Variants in CBLB observed in about 807,000 individuals in gnomAD.
CBLB encodes Cbl proto-oncogene B, also known as E3 ubiquitin-protein ligase CBL-B.
CBLB carries 31 observed loss-of-function variants against 104.9 expected under a neutral mutation model. The observed-to-expected ratio is 0.30, with a 90% CI of 0.22 to 0.40. CBLB has a LOEUF of 0.40. Ranked by LOEUF, CBLB falls within the 10% of genes least tolerant of loss-of-function variation. The probability of loss-of-function intolerance (pLI) is 1.00; values close to 1 mark genes in which losing one functional copy is unlikely to be tolerated. For synonymous variants in CBLB, 440 were observed against 422.6 expected (o/e 1.04, Z -0.51); for missense variants, 1,062 against 1,214.6 (o/e 0.87, Z 1.87).
Position 105,853,695 on chromosome 3 carries a change from A to G in CBLB, c.169-31T>C, listed in dbSNP as rs763766061. 2.8e-6 allele frequency: 4 copies of G among 1,444,900 alleles called. No homozygotes were observed. In the Admixed American group the frequency reaches 7.2e-5, roughly 26 times the overall value. 89.5% of individuals were successfully genotyped at this position (1,444,900 alleles called of 1,614,324 possible). A position where few individuals can be genotyped will look rare whatever the true frequency, so the allele number is the denominator to read the frequency against. ...AACAAAGATAAAAATAAAATAAGTC[A>G]TAATATTTTATTTCACAGAAAAATT... On this transcript the variant is annotated intron_variant, in intron 2 of 18. Transcript: ENST00000394030.
chr3:105,663,755 T>C (rs1465877311), intron 18 of CBLB, among the ~76,000 whole-genome samples: 1 of 152,086 alleles, frequency 6.6e-6, no homozygotes, highest in Non-Finnish European at 1.5e-5. Flanking sequence ...CATTGGTTCT[T>C]GTGGGATGAA....
chr3:105,705,153 A>G (rs1244588655), intron 10 of CBLB, among the ~76,000 whole-genome samples: 1 of 152,092 alleles, frequency 6.6e-6, no homozygotes, highest in African/African-American at 2.4e-5. Flanking sequence ...ATAGTTTTAA[A>G]CTTATTTGTA....
intron 6 of CBLB, among the ~76,000 whole-genome samples, chr3:105,740,891 G>T (rs1576770451): frequency 6.6e-6 from 1 of 152,124 alleles, no homozygotes; most frequent in African/African-American, 2.4e-5. Context: ...GTAAACTAGG[G>T]ATTTTTTTAC....
intron 1 of CBLB, chr3:105,868,470 G>A (rs1706516205): frequency 1.1e-5 from 4 of 352,162 alleles, no homozygotes; most frequent in Non-Finnish European, 2.0e-5. Flanking sequence ...GGGCGCGGGA[G>A]GGACACTGTG....
intron 9 of CBLB, among the ~76,000 whole-genome samples, chr3:105,729,222 G>A (rs2074035151): frequency 6.6e-6 from 1 of 152,078 alleles, no homozygotes; most frequent in South Asian, 2.1e-4. Context: ...CTCATTTTAA[G>A]TAATTATTAA....
At chr3:105,862,390 G>C (rs1167741859) in intron 2 of CBLB, among the ~76,000 whole-genome samples, 4 of 151,902 alleles carry the variant, frequency 2.6e-5, no homozygotes, top group Non-Finnish European at 5.9e-5. Context: ...GAGTCAACTA[G>C]GCTGAAAACC....
Position 105,658,749 on chromosome 3 carries a change from C to A in CBLB, c.*221G>T. ...CTTTAAATTATTTTTGTCAGTTCAA[C>A]CCTGATTTAAAAATATGGCTAGCAA... On this transcript the variant is annotated 3_prime_UTR_variant, in exon 19 of 19. Transcript: ENST00000394030. The A allele has an allele frequency of 1.7e-6, 1 of 579,072 alleles. No individual in the cohort carries two copies. The highest frequency in any genetic ancestry group is 2.3e-5 in the South Asian group (1 of 42,986). The allele number at this position is 579,072 out of a possible 1,614,324, so 35.9% of individuals were successfully genotyped here.
chr3:105,788,209 T>C (rs2152989895), intron 3 of CBLB, among the ~76,000 whole-genome samples: 1 of 152,332 alleles, frequency 6.6e-6, no homozygotes, highest in East Asian at 1.9e-4. Flanking sequence ...CAAATATCTT[T>C]ATAATCTCAC....
chr3:105,774,080 G>A (rs138883406), intron 4 of CBLB, among the ~76,000 whole-genome samples: 1 of 152,250 alleles, frequency 6.6e-6, no homozygotes, highest in African/African-American at 2.4e-5. Context: ...GAGGTGGTTA[G>A]ATCTTGAGGG....
chr3:105,710,353 A>G (rs893096570), intron 10 of CBLB, among the ~76,000 whole-genome samples: 3 of 151,974 alleles, frequency 2.0e-5, no homozygotes, highest in Non-Finnish European at 4.4e-5. Context: ...AAATTAAGTC[A>G]TAAAGCATAG....
Position 105,692,518 on chromosome 3 carries a change from T to C in CBLB, c.2054+976A>G, listed in dbSNP as rs74387630. On this transcript the variant is annotated intron_variant, in intron 13 of 18. Coordinates refer to ENST00000394030, the MANE Select transcript of CBLB (RefSeq NM_170662.5). ...CTTTAGGATAAAGATTAGGAAAAGG[T>C]GAAGCACAGGAGGAACAGCATAAAA... Among the ~76,000 whole-genome samples the C allele has an allele frequency of 7.5e-3, 1,147 of 152,050 alleles. 9 individuals carry two copies. The highest frequency in any genetic ancestry group is 0.012 in the Non-Finnish European group (808 of 67,948).
chr3:105,685,518 G>T lies in CBLB; in HGVS notation c.2055-52C>A, dbSNP rs368888690. The T allele has an allele frequency of 4.8e-6, 7 of 1,470,616 alleles. No individual in the cohort carries two copies. The African/African-American group carries it at 9.7e-5, about 20-fold the overall frequency. The allele number at this position is 1,470,616 out of a possible 1,614,324, so 91.1% of individuals were successfully genotyped here. A position where few individuals can be genotyped will look rare whatever the true frequency, so the allele number is the denominator to read the frequency against. On this transcript the variant is annotated intron_variant, in intron 13 of 18. Coordinates refer to ENST00000394030, the MANE Select transcript of CBLB (RefSeq NM_170662.5). ...AGTTTAAGCATAATATTCAAAACAGGCAAGTCTGATGTGACATATTCAAGT... is the reference window on the plus strand; with the variant it reads ...AGTTTAAGCATAATATTCAAAACAGTCAAGTCTGATGTGACATATTCAAGT...
At chr3:105,666,685 C>T (rs78326611) in intron 18 of CBLB, among the ~76,000 whole-genome samples, 3 of 148,752 alleles carry the variant, frequency 2.0e-5, no homozygotes, top group Non-Finnish European at 3.0e-5. Context: ...GACTCCATCT[C>T]AAAAAAAAAG....
chr3:105,791,075 T>G (rs2081579101), intron 3 of CBLB, among the ~76,000 whole-genome samples: 1 of 152,210 alleles, frequency 6.6e-6, no homozygotes, highest in South Asian at 2.1e-4. Context: ...AATTCTTAGA[T>G]TTTTACCCAA....
chr3:105,785,378 A>G (rs1204660192), intron 3 of CBLB, among the ~76,000 whole-genome samples: 2 of 152,230 alleles, frequency 1.3e-5, no homozygotes, highest in African/African-American at 2.4e-5. Flanking sequence ...AATTAGAAAA[A>G]TATCTTTACT....
rs114003941 is a variant in CBLB, at chr3:105,737,189, G to A, written c.1053C>T (p.Asp351=). The change falls in exon 8 of 19, where the codon GAC becomes GAT. Residue 351 remains aspartate (D), a synonymous_variant. Transcript: ENST00000394030. The stretch of plus-strand genomic sequence containing the variant: ...TCCTTACCTGTGTAACTTTTATATG[G>A]TCATGAGGTGTAGGTTCACATAATC... The part of the protein sequence containing the change: ...LTGLCEPTPH[D]HIKVTQEQYE... 1.0e-3 allele frequency: 1,566 copies of A among 1,573,202 alleles called. 11 individuals carry two copies. In the African/African-American group the frequency reaches 0.019, roughly 19 times the overall value.
chr3:105,865,375 C>T lies in CBLB; in HGVS notation c.168+2035G>A, dbSNP rs1365994994. Among the ~76,000 whole-genome samples, 3 of 152,134 alleles carry T rather than the reference C, an allele frequency of 2.0e-5. No individual in the cohort carries two copies. The East Asian group carries it at 5.8e-4, about 29-fold the overall frequency. On this transcript the variant is annotated intron_variant, in intron 2 of 18. Transcript: ENST00000394030. The stretch of plus-strand genomic sequence containing the variant: ...ATTCACAAATGAACACAACCATTTT[C>T]ATCTTTGACAAATAATGAAGACAAA...
intron 12 of CBLB, among the ~76,000 whole-genome samples, chr3:105,698,804 T>C (rs1015943244): frequency 1.3e-5 from 2 of 152,044 alleles, no homozygotes; most frequent in Admixed American, 6.6e-5. Context: ...TTAGTCTTTT[T>C]AAAAAATCAA....
Position 105,808,311 on chromosome 3 carries a change from AG to A in CBLB, c.420-31770del, listed in dbSNP as rs1223161989. ...TTAGCTTAATACAAAAACTTATAAA[AG>A]ATCTTTAAACTATTCCTGTCCCACA... On this transcript the variant is annotated intron_variant, in intron 3 of 18. Coordinates refer to ENST00000394030, the MANE Select transcript of CBLB (RefSeq NM_170662.5). Among the ~76,000 whole-genome samples the A allele has an allele frequency of 1.5e-3, 230 of 152,326 alleles. 1 individual carries two copies. Among genetic ancestry groups the A allele is most frequent in the African/African-American group, 5.3e-3 (219 of 41,584 alleles).
Sources: gnomAD v4.1 joint callset for allele counts (sites outside exome capture counted in the v4.1 genomes callset) on GRCh38, gnomAD v4.1.1 for gene constraint, MANE v1.5 for transcripts, NCBI Gene and HGNC (gene_info 2026-07-23, HGNC 2026-07-21) for gene names.